PPM1E: variants seen among roughly 807,000 people sequenced by gnomAD.
The protein encoded by PPM1E is protein phosphatase 1E.
PPM1E carries 20 observed loss-of-function variants against 65.9 expected under a neutral mutation model. The ratio of observed to expected loss-of-function variants is 0.30; its 90% CI spans 0.21 to 0.44. The LOEUF (loss-of-function observed/expected upper bound fraction) is 0.44. Among genes scored for constraint, PPM1E ranks in the 20% least tolerant of loss-of-function variants. The probability of loss-of-function intolerance (pLI) is 1.00; values close to 1 mark genes in which losing one functional copy is unlikely to be tolerated. For synonymous variants in PPM1E, 352 were observed against 374.9 expected, an observed-to-expected ratio of 0.94 and a Z score of 0.70; for missense variants, 713 against 953.1, an observed-to-expected ratio of 0.75 and a Z score of 3.32.
intron 1 of PPM1E, among the ~76,000 whole-genome samples, chr17:58,798,942 C>T (rs1318581716): frequency 1.3e-5 from 2 of 151,956 alleles, no homozygotes; most frequent in African/African-American, 2.4e-5. Context: ...GTAATCTGCC[C>T]GCCTCAGCTC....
At chr17:58,789,288 T>C (rs2050133178) in intron 1 of PPM1E, among the ~76,000 whole-genome samples, 1 of 152,180 alleles carries the variant, frequency 6.6e-6, no homozygotes. Flanking sequence ...AAATAGCACC[T>C]CTTTAGGTTT....
intron 1 of PPM1E, among the ~76,000 whole-genome samples, chr17:58,821,259 C>T (rs1000332348): frequency 2.0e-5 from 3 of 152,146 alleles, no homozygotes; most frequent in South Asian, 2.1e-4. Context: ...TACAGGCGCC[C>T]GCCAACACGC....
At chr17:58,957,305 A>G (rs1216718604) in intron 2 of PPM1E, among the ~76,000 whole-genome samples, 2 of 152,212 alleles carry the variant, frequency 1.3e-5, no homozygotes, top group African/African-American at 4.8e-5. Flanking sequence ...CTCCCTGCAG[A>G]AGGAGAATAC....
At chr17:58,766,978 A>C (rs2049886572) in intron 1 of PPM1E, among the ~76,000 whole-genome samples, 1 of 152,182 alleles carries the variant, frequency 6.6e-6, no homozygotes, top group African/African-American at 2.4e-5. Context: ...TAATCTAGAA[A>C]CAATTTTCAG....
At chr17:58,874,292 G>A (rs897675305) in intron 1 of PPM1E, among the ~76,000 whole-genome samples, 1 of 152,166 alleles carries the variant, frequency 6.6e-6, no homozygotes, top group African/African-American at 2.4e-5. Flanking sequence ...TGCCAAGATT[G>A]TAATTTGGAT....
chr17:58,972,648 GC>G (rs1464957467), intron 5 of PPM1E, among the ~76,000 whole-genome samples, 183 bp from the exon 6 acceptor site: 4 of 152,178 alleles, frequency 2.6e-5, no homozygotes, highest in African/African-American at 9.7e-5. Flanking sequence ...ACCGCGCCCG[GC>G]CAGGATTCAC....
chr17:58,965,371 G>C (rs1567891182), intron 2 of PPM1E, among the ~76,000 whole-genome samples: 1 of 152,026 alleles, frequency 6.6e-6, no homozygotes, highest in Non-Finnish European at 1.5e-5. Context: ...AAAAGAAACC[G>C]GTGCTGGGAA....
intron 1 of PPM1E, among the ~76,000 whole-genome samples, chr17:58,756,848 C>T (rs2049772805): frequency 6.6e-6 from 1 of 152,240 alleles, no homozygotes; most frequent in Non-Finnish European, 1.5e-5. Flanking sequence ...CCCTCTTCTT[C>T]CCAGATCCCT....
At chr17:58,878,139 A>C (rs2051148730) in intron 1 of PPM1E, among the ~76,000 whole-genome samples, 1 of 152,198 alleles carries the variant, frequency 6.6e-6, no homozygotes, top group Non-Finnish European at 1.5e-5. Flanking sequence ...TTGTTATGAT[A>C]AATGTCAAGT....
intron 1 of PPM1E, among the ~76,000 whole-genome samples, chr17:58,902,571 T>A (rs936687949): frequency 1.3e-5 from 2 of 152,236 alleles, no homozygotes; most frequent in Non-Finnish European, 2.9e-5. Flanking sequence ...TAGGGAACAC[T>A]TAATGAGATT....
chr17:58,761,484 T>C (rs1222320325), intron 1 of PPM1E, among the ~76,000 whole-genome samples: 2 of 152,210 alleles, frequency 1.3e-5, no homozygotes, highest in African/African-American at 4.8e-5. Context: ...ACCCACTTCA[T>C]CCCAGCTCTA....
chr17:58,800,896 A>T (rs1362724060), intron 1 of PPM1E, among the ~76,000 whole-genome samples: 1 of 151,778 alleles, frequency 6.6e-6, no homozygotes, highest in Non-Finnish European at 1.5e-5. Context: ...GGCTTTATTA[A>T]TTTTTTCTGT....
chr17:58,920,139 A>T (rs1196458562), intron 1 of PPM1E, among the ~76,000 whole-genome samples: 1 of 152,124 alleles, frequency 6.6e-6, no homozygotes, highest in Admixed American at 6.5e-5. Flanking sequence ...AATCAAAATG[A>T]CTCTAAGATT....
chr17:58,895,904 G>A (rs1461558190), intron 1 of PPM1E, among the ~76,000 whole-genome samples: 1 of 147,348 alleles, frequency 6.8e-6, no homozygotes. Context: ...AGGAGATCGA[G>A]ACCATCCTAG....
intron 1 of PPM1E, among the ~76,000 whole-genome samples, chr17:58,818,160 A>T (rs183578422): frequency 2.0e-5 from 3 of 152,318 alleles, no homozygotes; most frequent in African/African-American, 7.2e-5. Context: ...GCAGTTAAGC[A>T]TTATGGAGTA....
Position 58,850,185 on chromosome 17 carries a change from G to A in PPM1E, c.464+93724G>A, listed in dbSNP as rs189258092. ...CTATGTGTGTCTCTGCATGTGAGAT[G>A]GGTCTCCTGAATACAGCACACTGAT... On this transcript the variant is annotated intron_variant, in intron 1 of 6. Transcript: ENST00000308249. Among the ~76,000 whole-genome samples the A allele has an allele frequency of 4.7e-3, 710 of 152,034 alleles. 7 individuals are homozygous for A. Among genetic ancestry groups the A allele is most frequent in the African/African-American group, 0.017 (687 of 41,458 alleles).
At chr17:58,959,118 G>C (rs1401912718) in intron 2 of PPM1E, among the ~76,000 whole-genome samples, 1 of 151,794 alleles carries the variant, frequency 6.6e-6, no homozygotes, top group Non-Finnish European at 1.5e-5. Context: ...AGACCAGCCT[G>C]GCCAACATAG....
intron 1 of PPM1E, among the ~76,000 whole-genome samples, chr17:58,900,020 T>A (rs1226428001): frequency 6.8e-6 from 1 of 147,462 alleles, no homozygotes; most frequent in Non-Finnish European, 1.5e-5. Flanking sequence ...CATAGTGAGA[T>A]ACAGTCTCAA....
At chr17:58,827,901 C>CGAAA (rs767154383) in intron 1 of PPM1E, among the ~76,000 whole-genome samples, 2 of 113,264 alleles carry the variant, frequency 1.8e-5, no homozygotes, top group Non-Finnish European at 3.6e-5. Flanking sequence ...GACTCCATCT[C>CGAAA]AAAAAAAAAA....
Sources: allele counts gnomAD v4.1 joint callset (sites outside exome capture counted in the v4.1 genomes callset), GRCh38; gene constraint gnomAD v4.1.1; transcripts MANE v1.5; gene names NCBI Gene and HGNC (gene_info 2026-07-23, HGNC 2026-07-21).